Variants in NECAB3 observed in about 807,000 individuals in gnomAD.
NECAB3 encodes the protein N-terminal EF-hand calcium-binding protein 3.
NECAB3 carries 38 observed loss-of-function variants against 57.2 expected under a neutral mutation model. The ratio of observed to expected loss-of-function variants is 0.66; its 90% CI spans 0.51 to 0.87. The LOEUF is 0.87. NECAB3 is among the 40% of genes least tolerant of loss of function. NECAB3 has a pLI of 0.00. For missense variants in NECAB3, 474 were observed against 527.5 expected (o/e 0.90, Z 0.99); for synonymous variants, 223 against 222.6 (o/e 1.00, Z -0.02).
chr20:33,669,414 C>CA lies in NECAB3; in HGVS notation c.347dup (p.Asn117GlufsTer97). 1 of 1,613,622 alleles carries CA rather than the reference C, an allele frequency of 6.2e-7. No homozygotes were observed. The highest frequency in any genetic ancestry group is 8.5e-7 in the Non-Finnish European group (1 of 1,180,020). On this transcript the variant is annotated frameshift_variant, in exon 5 of 12. Coordinates refer to ENST00000246190, the MANE Select transcript of NECAB3 (RefSeq NM_031232.4). LOFTEE classifies it high-confidence loss of function. ...CCATGGCAGCGAGCACTGCACGGTT[C>CA]AGCGATTCCAATGCAGCCAGCACCG...
intron 3 of NECAB3, chr20:33,670,265 G>C (rs912831754): frequency 5.4e-5 from 10 of 184,440 alleles, no homozygotes; most frequent in Non-Finnish European, 1.1e-4. Flanking sequence ...GTTCATGCGT[G>C]TGCACCCCTG....
At chr20:33,672,057 C>T in intron 2 of NECAB3, 1 of 381,376 alleles carries the variant, frequency 2.6e-6, no homozygotes, top group East Asian at 5.5e-5. Flanking sequence ...CTCTGGCCCT[C>T]TGCTCCTTTA....
chr20:33,672,540 GC>G, intron 1 of NECAB3, 118 bp from the exon 2 acceptor site: 1 of 1,224,918 alleles, frequency 8.2e-7, no homozygotes, highest in Non-Finnish European at 1.2e-6. Context: ...CTTTCCTCCC[GC>G]CCAGCCTGGT....
At chr20:33,668,992 C>T (rs2017764565) in intron 5 of NECAB3, among the ~76,000 whole-genome samples, 1 of 152,240 alleles carries the variant, frequency 6.6e-6, no homozygotes, top group Non-Finnish European at 1.5e-5. Flanking sequence ...GCACAGCCTT[C>T]CACGCCTAGC....
chr20:33,667,911 G>C (rs765577847), intron 5 of NECAB3: 4 of 1,572,332 alleles, frequency 2.5e-6, no homozygotes, highest in Non-Finnish European at 3.4e-6. Context: ...AGGCTGAGCA[G>C]GGGCTGCCCG....
intron 1 of NECAB3, among the ~76,000 whole-genome samples, 192 bp downstream of exon 1, chr20:33,674,032 G>C (rs1350700151): frequency 2.0e-5 from 3 of 152,196 alleles, no homozygotes; most frequent in Non-Finnish European, 4.4e-5. Context: ...CAGTGACACT[G>C]GAGCAGGGAC....
chr20:33,661,016 C>T (rs1378171430), intron 5 of NECAB3, among the ~76,000 whole-genome samples: 1 of 152,182 alleles, frequency 6.6e-6, no homozygotes, highest in Non-Finnish European at 1.5e-5. Flanking sequence ...AATGCTAGGC[C>T]CTGCATGGCC....
At chr20:33,670,824 G>A in intron 2 of NECAB3, 32 bp from the exon 3 acceptor site, 1 of 1,550,594 alleles carries the variant, frequency 6.4e-7, no homozygotes, top group Non-Finnish European at 8.9e-7. Context: ...AGGGAGCAGA[G>A]GAGGTATCCC....
chr20:33,663,581 A>G lies in NECAB3; in HGVS notation c.388-3186T>C, dbSNP rs1158234636. ...CTGGACAAGCGGCAGCCGCTGGCCA[A>G]CGCTGGGCAACGGATTGACTACGCG... is the stretch of plus-strand genomic sequence containing the variant. On this transcript the variant is annotated intron_variant, in intron 5 of 11. Coordinates refer to ENST00000246190, the MANE Select transcript of NECAB3 (RefSeq NM_031232.4). The G allele has an allele frequency of 3.1e-6, 5 of 1,611,422 alleles. No individual in the cohort carries two copies. In the South Asian group the frequency reaches 4.4e-5, roughly 14 times the overall value.
Position 33,674,364 on chromosome 20 carries a change from C to G in NECAB3, c.-12G>C. ...CCCGCGCACGCCATGGCGCCGCCAC[C>G]CGCTCGGGCTCGGCTGCGGTTGCTG... On this transcript the variant is annotated 5_prime_UTR_variant, in exon 1 of 12. Coordinates refer to ENST00000246190, the MANE Select transcript of NECAB3 (RefSeq NM_031232.4). 1 of 1,176,664 alleles carries G rather than the reference C, an allele frequency of 8.5e-7. No homozygotes were observed. Among genetic ancestry groups the G allele is most frequent in the Non-Finnish European group, 1.0e-6 (1 of 952,460 alleles). The allele number at this position is 1,176,664 out of a possible 1,614,324, so 72.9% of individuals were successfully genotyped here.
At chr20:33,673,067 G>C (rs1293423297) in intron 1 of NECAB3, among the ~76,000 whole-genome samples, 1 of 152,178 alleles carries the variant, frequency 6.6e-6, no homozygotes, top group African/African-American at 2.4e-5. Flanking sequence ...ACACGTCCAA[G>C]GGGGAGTGGG....
intron 2 of NECAB3, among the ~76,000 whole-genome samples, chr20:33,671,667 T>C (rs1162648561): frequency 6.6e-6 from 1 of 152,160 alleles, no homozygotes; most frequent in Non-Finnish European, 1.5e-5. Flanking sequence ...CTCCAAGTCA[T>C]CTAGGGGGAG....
At chr20:33,662,116 A>G in intron 5 of NECAB3, 1 of 505,668 alleles carries the variant, frequency 2.0e-6, no homozygotes, top group Non-Finnish European at 3.5e-6. Flanking sequence ...ATTCACCACT[A>G]AGCACCTTAC....
rs752534341 is a variant in NECAB3 at position 33,669,417 on chromosome 20, C to T, written c.345G>A (p.Ser115=). Residue 115 remains serine (S), a synonymous_variant, in exon 5 of 12, where the codon TCG becomes TCA. Coordinates refer to ENST00000246190, the MANE Select transcript of NECAB3 (RefSeq NM_031232.4). ...VYRPVLAALE[S]LNRAVLAAMD... ...TGGCAGCGAGCACTGCACGGTTCAG[C>T]GATTCCAATGCAGCCAGCACCGGCC... is the stretch of plus-strand genomic sequence containing the variant. 15 of 1,613,480 alleles carry T rather than the reference C, an allele frequency of 9.3e-6. No homozygotes were observed. Among genetic ancestry groups the T allele is most frequent in the Admixed American group, 5.0e-5 (3 of 60,002 alleles).
Position 33,673,265 on chromosome 20 carries a change from C to T in NECAB3, c.130-843G>A, listed in dbSNP as rs887513580. Among the ~76,000 whole-genome samples the T allele has an allele frequency of 3.9e-5, 6 of 152,270 alleles. No homozygotes were observed. In the East Asian group the frequency reaches 1.2e-3, roughly 29 times the overall value. Reference sequence around the variant, plus strand: ...CAAGCAGGGGTGGGCCAAGCCTGGGCCGAGAGCCCCCATGAACTCCAGGTC... The same window carrying T: ...CAAGCAGGGGTGGGCCAAGCCTGGGTCGAGAGCCCCCATGAACTCCAGGTC... On this transcript the variant is annotated intron_variant, in intron 1 of 11. Coordinates refer to ENST00000246190, the MANE Select transcript of NECAB3 (RefSeq NM_031232.4).
At chr20:33,673,868 G>A (rs1437000991) in intron 1 of NECAB3, among the ~76,000 whole-genome samples, 1 of 152,112 alleles carries the variant, frequency 6.6e-6, no homozygotes, top group Admixed American at 6.5e-5. Flanking sequence ...AGAGTCAGGA[G>A]TGAGGGGCCC....
chr20:33,664,969 C>A (rs2017603928), intron 5 of NECAB3: 1 of 152,280 alleles, frequency 6.6e-6, no homozygotes, highest in East Asian at 1.9e-4. Flanking sequence ...TATAACATCA[C>A]TCCTGCTAAT....
intron 9 of NECAB3, 31 bp downstream of exon 9, chr20:33,658,691 T>G (rs1568890674): frequency 2.5e-6 from 4 of 1,606,164 alleles, no homozygotes; most frequent in Non-Finnish European, 3.4e-6. Flanking sequence ...CCCTCCCCAC[T>G]GGCCATCCCA....
At chr20:33,664,392 C>G (rs1003175426) in intron 5 of NECAB3, 2 of 154,866 alleles carry the variant, frequency 1.3e-5, no homozygotes, top group Non-Finnish European at 2.9e-5. Flanking sequence ...CCAGGAGAAG[C>G]TGGAAGCCCT....
Sources: allele counts gnomAD v4.1 joint callset (sites outside exome capture counted in the v4.1 genomes callset), GRCh38; gene constraint gnomAD v4.1.1; transcripts MANE v1.5; gene names NCBI Gene and HGNC (gene_info 2026-07-23, HGNC 2026-07-21).